Variants in CADPS2 observed in about 807,000 individuals in gnomAD.
CADPS2 encodes calcium-dependent secretion activator 2.
In CADPS2, 93 loss-of-function variants were observed where a neutral mutation model predicts 172.5. The ratio of observed to expected loss-of-function variants is 0.54; its 90% confidence interval spans 0.46 to 0.64. The LOEUF (loss-of-function observed/expected upper bound fraction) is 0.64. Ranked by LOEUF, CADPS2 falls within the 30% of genes least tolerant of loss-of-function variation. The pLI, the probability that CADPS2 is intolerant of heterozygous loss-of-function variation, is 0.00. For synonymous variants in CADPS2, 546 were observed against 555.2 expected (o/e 0.98, Z 0.23); for missense variants, 1,420 against 1,565.9 (o/e 0.91, Z 1.57).
intron 14 of CADPS2, among the ~76,000 whole-genome samples, chr7:122,451,801 G>A (rs1289528694): frequency 6.6e-6 from 1 of 152,176 alleles, no homozygotes; most frequent in African/African-American, 2.4e-5. Context: ...GACCAACTAA[G>A]TGAAATCCCC....
At chr7:122,463,342 T>C (rs1010735863) in intron 14 of CADPS2, among the ~76,000 whole-genome samples, 1 of 150,996 alleles carries the variant, frequency 6.6e-6, no homozygotes. Context: ...TTTTTTGAGG[T>C]GGAGTCTCGC....
chr7:122,480,277 CCAGT>C (rs1477588987), intron 12 of CADPS2: 1 of 252,506 alleles, frequency 4.0e-6, no homozygotes. Flanking sequence ...AGGTTGTCTT[CCAGT>C]AAGTTAGATT....
At chr7:122,626,249 T>C (rs892318781) in intron 4 of CADPS2, among the ~76,000 whole-genome samples, 4 of 152,074 alleles carry the variant, frequency 2.6e-5, no homozygotes, top group African/African-American at 9.7e-5. Context: ...GTTGTGTTAA[T>C]GAGGACAGGG....
At chr7:122,499,736 G>A (rs1341382364) in intron 9 of CADPS2, among the ~76,000 whole-genome samples, 2 of 152,166 alleles carry the variant, frequency 1.3e-5, no homozygotes, top group Non-Finnish European at 2.9e-5. Context: ...TGTGTGAAAT[G>A]TGTCTTATGT....
intron 6 of CADPS2, among the ~76,000 whole-genome samples, chr7:122,611,687 A>G (rs1328533847): frequency 1.3e-5 from 2 of 152,028 alleles, no homozygotes; most frequent in African/African-American, 4.8e-5. Flanking sequence ...CTTTGAAAAA[A>G]ATTGAAGGGT....
At chr7:122,353,589 G>C (rs1196718736) in intron 27 of CADPS2, among the ~76,000 whole-genome samples, 1 of 152,158 alleles carries the variant, frequency 6.6e-6, no homozygotes, top group Non-Finnish European at 1.5e-5. Flanking sequence ...ATGTTAATAA[G>C]ACCATTTTAA....
intron 2 of CADPS2, among the ~76,000 whole-genome samples, chr7:122,700,663 G>T (rs903099190): frequency 6.6e-6 from 1 of 151,988 alleles, no homozygotes; most frequent in African/African-American, 2.4e-5. Flanking sequence ...ATATAACATC[G>T]AAAGGCAATT....
chr7:122,670,264 T>C (rs1158410788), intron 2 of CADPS2, among the ~76,000 whole-genome samples: 1 of 152,132 alleles, frequency 6.6e-6, no homozygotes, highest in Non-Finnish European at 1.5e-5. Context: ...CACCATGGCC[T>C]CTGAGGTCCC....
At chr7:122,823,999 C>A (rs1055709374) in intron 1 of CADPS2, among the ~76,000 whole-genome samples, 1 of 152,092 alleles carries the variant, frequency 6.6e-6, no homozygotes, top group African/African-American at 2.4e-5. Flanking sequence ...CTTACACATG[C>A]AAAAGACATT....
chr7:122,388,719 C>T lies in CADPS2; in HGVS notation c.3028G>A (p.Glu1010Lys), dbSNP rs187092775. 598 of 1,607,636 alleles carry T rather than the reference C, an allele frequency of 3.7e-4. 6 individuals carry two copies. In the Admixed American group the frequency reaches 9.3e-3, roughly 25 times the overall value. Reference protein sequence around the residue: ...YESTNGSATSEDLFWKLDALQ... With the variant: ...YESTNGSATSKDLFWKLDALQ... ...GCATCAAGCTTCCAAAAAAGGTCTT[C>T]TGATGTTGCTGAGCCATTGCTAGAA... is the stretch of plus-strand genomic sequence containing the variant. The change falls in exon 23 of 30, where the codon GAA (glutamate) becomes AAA (lysine). Residue 1010 changes from glutamate to lysine, a missense_variant. By Grantham distance (56) the Glu-to-Lys change is moderately conservative. Transcript: ENST00000449022.
At chr7:122,770,502 C>G (rs991447146) in intron 1 of CADPS2, among the ~76,000 whole-genome samples, 4 of 152,128 alleles carry the variant, frequency 2.6e-5, no homozygotes, top group Non-Finnish European at 5.9e-5. Flanking sequence ...TGCTGCAACT[C>G]ACAAGGTTCC....
chr7:122,533,264 TA>T (rs1041028429), intron 8 of CADPS2, among the ~76,000 whole-genome samples: 27 of 152,192 alleles, frequency 1.8e-4, no homozygotes, highest in Admixed American at 1.0e-3. Flanking sequence ...AAGCAGTAGT[TA>T]AAAAAATAGC....
At chr7:122,574,465 A>AAAAAAAAAAAAAAC (rs2067708218) in intron 7 of CADPS2, among the ~76,000 whole-genome samples, 1 of 149,506 alleles carries the variant, frequency 6.7e-6, no homozygotes, top group Non-Finnish European at 1.5e-5. Context: ...AAAAAAAAAA[A>AAAAAAAAAAAAAAC]AAAGTATATT....
chr7:122,369,599 T>C (rs1314860763), intron 25 of CADPS2: 1 of 152,270 alleles, frequency 6.6e-6, no homozygotes, highest in Non-Finnish European at 1.5e-5. Context: ...CAGACCCAAA[T>C]AGTTAATATC....
intron 27 of CADPS2, among the ~76,000 whole-genome samples, chr7:122,357,712 G>A (rs1179885489): frequency 6.6e-6 from 1 of 152,112 alleles, no homozygotes; most frequent in African/African-American, 2.4e-5. Flanking sequence ...TTTGTAGAAT[G>A]TGATATAAAT....
chr7:122,518,982 C>A (rs1456242800), intron 8 of CADPS2, among the ~76,000 whole-genome samples: 1 of 151,088 alleles, frequency 6.6e-6, no homozygotes, highest in Non-Finnish European at 1.5e-5. Flanking sequence ...TTGTCAAATT[C>A]TTTTAGTTAA....
At chr7:122,525,914 C>T (rs2061192369) in intron 8 of CADPS2, among the ~76,000 whole-genome samples, 1 of 152,108 alleles carries the variant, frequency 6.6e-6, no homozygotes, top group Admixed American at 6.6e-5. Context: ...CATATCTAAA[C>T]ATAGGCTACA....
chr7:122,776,926 C>T (rs995527477), intron 1 of CADPS2, among the ~76,000 whole-genome samples: 7 of 151,988 alleles, frequency 4.6e-5, no homozygotes, highest in Non-Finnish European at 7.4e-5. Context: ...AGAGGCAGGA[C>T]GATTGCTTGA....
chr7:122,846,621 T>C (rs556548959), intron 1 of CADPS2, among the ~76,000 whole-genome samples: 26 of 152,344 alleles, frequency 1.7e-4, no homozygotes, highest in African/African-American at 6.0e-4. Context: ...TCTTTAAATA[T>C]AGGAGCCAAT....
Sources: gnomAD v4.1 joint callset for allele counts (sites outside exome capture counted in the v4.1 genomes callset) on GRCh38, gnomAD v4.1.1 for gene constraint, MANE v1.5 for transcripts, NCBI Gene and HGNC (gene_info 2026-07-23, HGNC 2026-07-21) for gene names.